Variants in WNK1 observed in about 807,000 individuals in gnomAD.
WNK1 encodes WNK lysine deficient protein kinase 1, also known as serine/threonine-protein kinase WNK1.
A neutral mutation model predicts 222.8 loss-of-function variants in WNK1; 38 were observed. The observed-to-expected ratio is 0.17, with a 90% CI of 0.13 to 0.22. The LOEUF (loss-of-function observed/expected upper bound fraction) is 0.22. Ranked by LOEUF, WNK1 falls within the 10% of genes least tolerant of loss-of-function variation. The pLI is 1.00. For missense variants in WNK1, 2,348 were observed against 2,918.4 expected (o/e 0.80, Z 4.50); for synonymous variants, 1,090 against 1,092.9 (o/e 1.00, Z 0.05).
chr12:877,109 G>A (rs985449220), intron 9 of WNK1, among the ~76,000 whole-genome samples: 1 of 126,404 alleles, frequency 7.9e-6, no homozygotes, highest in Non-Finnish European at 1.6e-5. Flanking sequence ...TGTTGCCCAT[G>A]CTGGAGTGCA....
rs200100184 is a variant in WNK1, at chr12:879,883, A to G, written c.2684A>G (p.Gln895Arg). 173 of 1,614,086 alleles carry G rather than the reference A, an allele frequency of 1.1e-4. No individual in the cohort carries two copies. Among genetic ancestry groups the G allele is most frequent in the Non-Finnish European group, 1.4e-4 (161 of 1,179,992 alleles). The change falls in exon 11 of 28, where the codon CAG becomes CGG. Residue 895 changes from glutamine to arginine, a missense_variant. Transcript: ENST00000315939. ...GGGGTATCAACTGTGGTTCCTAGTC[A>G]GCTTCCAACCCTTCTGCAGCCTGTG... ...IPGVSTVVPS[Q>R]LPTLLQPVTQ...
intron 7 of WNK1, 70 bp from the exon 8 acceptor site, chr12:862,013 A>G: frequency 6.3e-7 from 1 of 1,588,232 alleles, no homozygotes; most frequent in Non-Finnish European, 8.6e-7. Context: ...AAATATGAGA[A>G]AATGTGAACC....
At chr12:876,556 A>G (rs1952635107) in intron 9 of WNK1, among the ~76,000 whole-genome samples, 1 of 152,246 alleles carries the variant, frequency 6.6e-6, no homozygotes, top group African/African-American at 2.4e-5. Context: ...TTATCACCTA[A>G]CAAAATCTAA....
chr12:799,313 T>C (rs1411365158), intron 1 of WNK1, among the ~76,000 whole-genome samples: 2 of 149,962 alleles, frequency 1.3e-5, no homozygotes, highest in East Asian at 3.9e-4. Flanking sequence ...TTTTTTTTTG[T>C]AGAGATGGGG....
intron 22 of WNK1, among the ~76,000 whole-genome samples, chr12:892,913 G>A (rs907742233): frequency 6.6e-6 from 1 of 152,062 alleles, no homozygotes; most frequent in African/African-American, 2.4e-5. Context: ...TTTCATTGTG[G>A]TATATTTATT....
At position 874,709 on chromosome 12, in the gene WNK1, G is replaced by A. The variant is rs897571685; in HGVS notation, c.2223+3361G>A. ...ATTGTACCTACATTCTCATTTAATC[G>A]TTTTAAGAACCCTATAAGTATAGAT... is the stretch of plus-strand genomic sequence containing the variant. On this transcript the variant is annotated intron_variant, in intron 9 of 27. Transcript: ENST00000315939. 5.3e-5 allele frequency among the ~76,000 whole-genome samples: 8 copies of A among 152,090 alleles called. No homozygotes were observed. In the South Asian group the frequency reaches 8.3e-4, roughly 16 times the overall value.
rs1185508045 is a variant in WNK1 at position 897,500 on chromosome 12, C to G, written c.6267C>G (p.Asp2089Glu). ...ACAGACATCTCAAAGAGATTCAGGACCTGCAGAGTCGCCAGAAGCATGAAA... is the reference window on the plus strand; with the variant it reads ...ACAGACATCTCAAAGAGATTCAGGAGCTGCAGAGTCGCCAGAAGCATGAAA... ...LRDKHLKEIQ[D>E]LQSRQKHEIE... Residue 2089 changes from aspartate to glutamate, a missense_variant, in exon 25 of 28, where the codon GAC becomes GAG. By Grantham distance (45) the Asp-to-Glu change is conservative (BLOSUM62 2). Coordinates refer to ENST00000315939, the MANE Select transcript of WNK1 (RefSeq NM_018979.4). The G allele has an allele frequency of 6.2e-7, 1 of 1,605,334 alleles. No homozygotes were observed. The highest frequency in any genetic ancestry group is 8.5e-7 in the Non-Finnish European group (1 of 1,172,128).
intron 20 of WNK1, 34 bp downstream of exon 20, chr12:887,338 C>A (rs574321457): frequency 6.7e-5 from 108 of 1,607,882 alleles, no homozygotes; most frequent in Non-Finnish European, 8.9e-5. Flanking sequence ...CTTCCTGTGC[C>A]CTACTTTCTT....
At chr12:804,411 T>G (rs982177502) in intron 1 of WNK1, among the ~76,000 whole-genome samples, 2 of 151,620 alleles carry the variant, frequency 1.3e-5, no homozygotes, top group African/African-American at 4.9e-5. Flanking sequence ...CATCCCAAAC[T>G]GAAAGTTTTT....
intron 6 of WNK1, among the ~76,000 whole-genome samples, chr12:859,787 C>T (rs141617464): frequency 6.6e-6 from 1 of 151,606 alleles, no homozygotes; most frequent in African/African-American, 2.4e-5. Flanking sequence ...ATAATCATAG[C>T]TTACTGCAGC....
intron 22 of WNK1, among the ~76,000 whole-genome samples, chr12:892,443 G>C (rs1592209621): frequency 1.3e-5 from 2 of 152,090 alleles, no homozygotes; most frequent in Non-Finnish European, 2.9e-5. Flanking sequence ...TTGGTCCATG[G>C]ATCAGTTTGG....
intron 4 of WNK1, among the ~76,000 whole-genome samples, chr12:841,192 CACT>C (rs1281190479): frequency 6.6e-6 from 1 of 152,138 alleles, no homozygotes; most frequent in African/African-American, 2.4e-5. Context: ...ATGCAGTTAT[CACT>C]ACTAATTCCA....
intron 4 of WNK1, among the ~76,000 whole-genome samples, chr12:844,065 A>G (rs1215100904): frequency 2.0e-5 from 3 of 152,198 alleles, no homozygotes; most frequent in South Asian, 2.1e-4. Flanking sequence ...ATATTATTAT[A>G]GCATTTATAT....
intron 1 of WNK1, among the ~76,000 whole-genome samples, chr12:799,251 T>C (rs1565447056): frequency 6.6e-6 from 1 of 151,752 alleles, no homozygotes; most frequent in Non-Finnish European, 1.5e-5. Context: ...ACCTCCTGAG[T>C]AGCTGAGACC....
intron 27 of WNK1, 84 bp from the exon 28 acceptor site, chr12:908,391 G>A: frequency 7.3e-7 from 1 of 1,362,232 alleles, no homozygotes; most frequent in South Asian, 1.2e-5. Flanking sequence ...TATCTTACAG[G>A]ATTATACTAG....
chr12:827,098 A>G lies in WNK1; in HGVS notation c.989A>G (p.Gln330Arg). The change falls in exon 3 of 28, where the codon CAG becomes CGG. Residue 330 changes from glutamine (Q) to arginine (R), a missense_variant. By Grantham distance (43) the Gln-to-Arg change is conservative (BLOSUM62 1). This residue lies in a region of WNK1 where 57 missense variants were observed against 219.0 expected (regional missense o/e 0.26). Transcript: ENST00000315939. This position sits in a 1 kb window ranked among gnomAD's most constrained non-coding sequence, Gnocchi z 4.6. The stretch of plus-strand genomic sequence containing the variant: ...AAAGTTCTAAGAAGCTGGTGCCGTC[A>G]GATCCTTAAAGGTCTTCAGTTTCTT... ...KIKVLRSWCR[Q>R]ILKGLQFLHT... 6.2e-7 allele frequency: 1 copy of G among 1,614,180 alleles called. No individual in the cohort carries two copies. Among genetic ancestry groups the G allele is most frequent in the East Asian group, 2.2e-5 (1 of 44,888 alleles).
At position 897,695 on chromosome 12, in the gene WNK1, G is replaced by A; in HGVS notation, c.6448+14G>A. 1 of 1,613,214 alleles carries A rather than the reference G, an allele frequency of 6.2e-7. No homozygotes were observed. Among genetic ancestry groups the A allele is most frequent in the Non-Finnish European group, 8.5e-7 (1 of 1,179,386 alleles). ...CCCAGCTTTCAGGTAAAAAGCCCTGGACTAGGTCAGCCACAGCTGTCCTAT... is the reference window on the plus strand; with the variant it reads ...CCCAGCTTTCAGGTAAAAAGCCCTGAACTAGGTCAGCCACAGCTGTCCTAT... On this transcript the variant is annotated intron_variant, in intron 25 of 27. Coordinates refer to ENST00000315939, the MANE Select transcript of WNK1 (RefSeq NM_018979.4).
At chr12:788,893 G>GA (rs942856815) in intron 1 of WNK1, among the ~76,000 whole-genome samples, 6 of 147,678 alleles carry the variant, frequency 4.1e-5, no homozygotes, top group Non-Finnish European at 6.0e-5. Flanking sequence ...TCTCGGGGGG[G>GA]AAAAAGAAAG....
At chr12:808,657 C>G (rs1298828257) in intron 1 of WNK1, among the ~76,000 whole-genome samples, 2 of 151,910 alleles carry the variant, frequency 1.3e-5, no homozygotes, top group African/African-American at 4.8e-5. Context: ...TAGACTCCAA[C>G]TTTTACATAC....
Sources: gnomAD v4.1 joint callset for allele counts (sites outside exome capture counted in the v4.1 genomes callset) on GRCh38, gnomAD v4.1.1 for gene constraint, gnomAD v4.1.1 regional missense constraint, Gnocchi (gnomAD v3.1) non-coding constraint, MANE v1.5 for transcripts, NCBI Gene and HGNC (gene_info 2026-07-23, HGNC 2026-07-21) for gene names.